The following DAAM1 variants were observed in gnomAD, a reference collection of about 807,000 sequenced individuals.
DAAM1 encodes disheveled-associated activator of morphogenesis 1.
Under a neutral mutation model 130.0 loss-of-function variants are expected in DAAM1, and 52 were observed. The observed-to-expected ratio is 0.40, with a 90% confidence interval of 0.32 to 0.50. The LOEUF (loss-of-function observed/expected upper bound fraction) is 0.50. Among genes scored for constraint, DAAM1 ranks in the 20% least tolerant of loss-of-function variants. The pLI is 0.61. For missense variants in DAAM1, 1,134 were observed against 1,303.8 expected (o/e 0.87, Z 2.01); for synonymous variants, 452 against 444.5 (o/e 1.02, Z -0.21).
chr14:59,310,425 G>T (rs1375199101), intron 3 of DAAM1, among the ~76,000 whole-genome samples: 1 of 152,084 alleles, frequency 6.6e-6, no homozygotes, highest in African/African-American at 2.4e-5. Context: ...GAGCCACCGT[G>T]CCTGGCCAGT....
chr14:59,227,819 C>T (rs1225582355), intron 1 of DAAM1, among the ~76,000 whole-genome samples: 1 of 152,178 alleles, frequency 6.6e-6, no homozygotes, highest in African/African-American at 2.4e-5. Context: ...GTTCATAGAG[C>T]ACCCATAGGG....
intron 2 of DAAM1, among the ~76,000 whole-genome samples, chr14:59,289,784 A>ATATATATATATATATACACATATAT: frequency 1.6e-5 from 2 of 128,776 alleles, no homozygotes; most frequent in African/African-American, 5.7e-5. Flanking sequence ...ATATATATAT[A>ATATATATATATATATACACATATAT]ATGGAATGCT....
chr14:59,308,870 A>G (rs138426603), intron 3 of DAAM1, among the ~76,000 whole-genome samples: 114 of 152,334 alleles, frequency 7.5e-4, no homozygotes, highest in African/African-American at 2.3e-3. Flanking sequence ...TTCCTGGCAG[A>G]TGAAGAAGCC....
At chr14:59,294,227 C>T (rs1883863782) in intron 3 of DAAM1, among the ~76,000 whole-genome samples, 1 of 152,226 alleles carries the variant, frequency 6.6e-6, no homozygotes, top group Non-Finnish European at 1.5e-5. Context: ...GACCTACAGA[C>T]AGGGCCAAGC....
intron 2 of DAAM1, among the ~76,000 whole-genome samples, chr14:59,270,826 C>T (rs1389650972): frequency 6.6e-6 from 1 of 152,096 alleles, no homozygotes; most frequent in African/African-American, 2.4e-5. Context: ...TTCTGTGACC[C>T]TCAGCTTTTT....
rs1304895856 is a variant in DAAM1 at position 59,263,604 on chromosome 14, C to A, written c.127C>A (p.Pro43Thr). Residue 43 changes from proline (P) to threonine (T), a missense_variant, in exon 2 of 25, where the codon CCA becomes ACA. Transcript: ENST00000360909. ...CAACTTTGCGCTTCAGACCATGGAA[C>A]CAGCATTGCCCATGCCCCCTGTGGA... ...DSNFALQTME[P>T]ALPMPPVEEL... 5.0e-6 allele frequency: 8 copies of A among 1,614,080 alleles called. No individual in the cohort carries two copies. The highest frequency in any genetic ancestry group is 2.2e-5 in the East Asian group (1 of 44,896).
At chr14:59,205,339 A>T (rs1236358205) in intron 1 of DAAM1, among the ~76,000 whole-genome samples, 1 of 152,234 alleles carries the variant, frequency 6.6e-6, no homozygotes, top group Non-Finnish European at 1.5e-5. Flanking sequence ...AGCAAATGTC[A>T]GGTTTTCCAG....
chr14:59,321,848 C>T (rs776318021), intron 5 of DAAM1, among the ~76,000 whole-genome samples: 8 of 152,134 alleles, frequency 5.3e-5, no homozygotes, highest in Non-Finnish European at 8.8e-5. Context: ...AGATGTTAAT[C>T]GATATCCAAG....
At chr14:59,295,663 C>A (rs774561500) in intron 3 of DAAM1, among the ~76,000 whole-genome samples, 6 of 152,116 alleles carry the variant, frequency 3.9e-5, no homozygotes, top group African/African-American at 7.2e-5. Context: ...TTTAAAGAAA[C>A]ACGTGTTAAA....
At chr14:59,209,321 G>A (rs1470440674) in intron 1 of DAAM1, among the ~76,000 whole-genome samples, 2 of 151,984 alleles carry the variant, frequency 1.3e-5, no homozygotes, top group Admixed American at 1.3e-4. Context: ...AACCATTTTT[G>A]TTTTTCCATT....
Position 59,367,553 on chromosome 14 carries a change from G to A in DAAM1, c.2951G>A (p.Arg984Lys). ...GCCAAACAAGAAAACGAAAATATGA[G>A]AAAGAAAAAGGAGGAAGAAGAACGT... is the stretch of plus-strand genomic sequence containing the variant. Reference protein sequence around the residue: ...SEAKQENENMRKKKEEEERRA... With the variant: ...SEAKQENENMKKKKEEEERRA... Residue 984 changes from arginine to lysine, a missense_variant, in exon 24 of 25, where the codon AGA becomes AAA. Around this residue, in one of 3 missense-constraint regions of DAAM1, gnomAD observed 644 missense variants for 695.9 expected, o/e 0.93. Transcript: ENST00000360909. 6.2e-7 allele frequency: 1 copy of A among 1,613,776 alleles called. No homozygotes were observed. The highest frequency in any genetic ancestry group is 8.5e-7 in the Non-Finnish European group (1 of 1,179,842).
At chr14:59,352,452 A>T (rs1305776924) in intron 17 of DAAM1, 74 bp from the exon 18 acceptor site, 1 of 1,149,742 alleles carries the variant, frequency 8.7e-7, no homozygotes, top group African/African-American at 1.5e-5. Context: ...GGACAGATTA[A>T]CTGAAAGGGT....
intron 3 of DAAM1, among the ~76,000 whole-genome samples, chr14:59,297,883 C>T (rs892427472): frequency 6.6e-6 from 1 of 152,158 alleles, no homozygotes; most frequent in African/African-American, 2.4e-5. Flanking sequence ...CAGGCATCTA[C>T]TGGGGGTCTT....
chr14:59,311,749 ATCTTGC>A (rs1884605712), intron 3 of DAAM1, among the ~76,000 whole-genome samples: 1 of 152,074 alleles, frequency 6.6e-6, no homozygotes, highest in Admixed American at 6.5e-5. Context: ...GTGAGATAGG[ATCTTGC>A]TATGTCACCC....
intron 12 of DAAM1, among the ~76,000 whole-genome samples, chr14:59,327,511 C>G (rs1206508330): frequency 1.4e-5 from 2 of 146,850 alleles, no homozygotes; most frequent in African/African-American, 5.1e-5. Context: ...AAGTTCACGT[C>G]ATTCTCCTGC....
intron 1 of DAAM1, among the ~76,000 whole-genome samples, chr14:59,211,687 A>G (rs969641495): frequency 1.3e-5 from 2 of 152,228 alleles, no homozygotes; most frequent in African/African-American, 4.8e-5. Context: ...ATAATCAGAC[A>G]CTTCACTCAC....
At chr14:59,290,381 A>G (rs1490125539) in intron 2 of DAAM1, among the ~76,000 whole-genome samples, 7 of 152,142 alleles carry the variant, frequency 4.6e-5, no homozygotes, top group Non-Finnish European at 1.0e-4. Flanking sequence ...CGACTCCACT[A>G]TTTGCTAGGT....
intron 1 of DAAM1, among the ~76,000 whole-genome samples, chr14:59,209,477 A>G (rs1243198238): frequency 2.0e-5 from 3 of 152,180 alleles, no homozygotes; most frequent in South Asian, 4.1e-4. Flanking sequence ...CAGTTTTTTG[A>G]TATTACCACT....
chr14:59,347,693 C>T, intron 17 of DAAM1, 70 bp downstream of exon 17: 1 of 1,455,714 alleles, frequency 6.9e-7, no homozygotes, highest in Non-Finnish European at 9.6e-7. Flanking sequence ...ATGTTGAGAA[C>T]ATCCGGTTGT....
Sources: gnomAD v4.1 joint callset for allele counts (sites outside exome capture counted in the v4.1 genomes callset) on GRCh38, gnomAD v4.1.1 for gene constraint, gnomAD v4.1.1 regional missense constraint, MANE v1.5 for transcripts, NCBI Gene and HGNC (gene_info 2026-07-23, HGNC 2026-07-21) for gene names.